The following FLVCR1 variants were observed in gnomAD, a reference collection of about 807,000 sequenced individuals.
FLVCR1 encodes the protein choline/ethanolamine transporter FLVCR1.
A neutral mutation model predicts 53.6 loss-of-function variants in FLVCR1; 34 were observed. The observed-to-expected ratio is 0.63, with a 90% CI of 0.48 to 0.84. The LOEUF (loss-of-function observed/expected upper bound fraction) is 0.84, where lower values mean the gene tolerates loss of function less well. Ranked by LOEUF, FLVCR1 falls within the 40% of genes least tolerant of loss-of-function variation. FLVCR1 has a pLI of 0.00. For missense variants in FLVCR1, 677 were observed against 696.7 expected (o/e 0.97, Z 0.32); for synonymous variants, 300 against 286.3 (o/e 1.05, Z -0.48).
At chr1:212,887,498 A>G (rs768671406) in intron 5 of FLVCR1, among the ~76,000 whole-genome samples, 4 of 152,236 alleles carry the variant, frequency 2.6e-5, no homozygotes, top group Admixed American at 6.5e-5. Context: ...AATAGATGTC[A>G]TAAGTTTTAT....
intron 2 of FLVCR1, among the ~76,000 whole-genome samples, chr1:212,865,265 G>A (rs1017907681): frequency 9.3e-5 from 14 of 149,852 alleles, no homozygotes; most frequent in Non-Finnish European, 1.8e-4. Flanking sequence ...ATCTCCTAAT[G>A]CTATCCCTCC....
At chr1:212,869,251 A>T (rs1003457600) in intron 2 of FLVCR1, among the ~76,000 whole-genome samples, 2 of 152,170 alleles carry the variant, frequency 1.3e-5, no homozygotes, top group Non-Finnish European at 2.9e-5. Flanking sequence ...ATTGGTGCAA[A>T]TTTTTGGTTG....
chr1:212,863,339 C>T (rs1664303440), intron 1 of FLVCR1, among the ~76,000 whole-genome samples: 1 of 152,160 alleles, frequency 6.6e-6, no homozygotes, highest in African/African-American at 2.4e-5. Flanking sequence ...CGCCTGTAAT[C>T]CCAGCACTTT....
At chr1:212,883,558 A>T in intron 4 of FLVCR1, 120 bp downstream of exon 4, 2 of 650,340 alleles carry the variant, frequency 3.1e-6, no homozygotes, top group Non-Finnish European at 2.8e-6. Context: ...AAATATTTAC[A>T]TTTGTTTTAA....
chr1:212,865,085 T>C (rs866015644), intron 2 of FLVCR1, among the ~76,000 whole-genome samples: 2 of 151,952 alleles, frequency 1.3e-5, no homozygotes, highest in East Asian at 1.9e-4. Context: ...TTTAGCAGTT[T>C]AGCAAAGTTT....
In FLVCR1 at chr1:212,889,151, T is replaced by G; in HGVS notation, c.1419T>G (p.Phe473Leu). 6.2e-7 allele frequency: 1 copy of G among 1,602,058 alleles called. No individual in the cohort carries two copies. Among genetic ancestry groups the G allele is most frequent in the South Asian group, 1.1e-5 (1 of 90,802 alleles). ...SGLLNASAQI[F>L]GILFTLAQGK... The stretch of plus-strand genomic sequence containing the variant: ...TTTTTCTTATTGTATTTTAGATATT[T>G]GGAATTTTGTTCACATTGGCTCAAG... Residue 473 changes from phenylalanine (F) to leucine (L), a missense_variant, in exon 8 of 10, where the codon TTT becomes TTG. Transcript: ENST00000366971.
In FLVCR1 at chr1:212,895,392, T is replaced by TAA. The variant is rs553890816; in HGVS notation, c.*104_*105dup. 2.1e-4 allele frequency: 165 copies of TAA among 794,994 alleles called. 1 individual carries two copies. The South Asian group carries it at 2.1e-3, about 10-fold the overall frequency. The allele number at this position is 794,994 out of a possible 1,614,324, so 49.2% of individuals were successfully genotyped here. On this transcript the variant is annotated 3_prime_UTR_variant, in exon 10 of 10. Transcript: ENST00000366971. ...GCTGGGTTTGTATGTGGTGGGGGAATAAACACACTTACTTGAAAATTACCA... is the reference window on the plus strand; with the variant it reads ...GCTGGGTTTGTATGTGGTGGGGGAATAAAAACACACTTACTTGAAAATTACCA...
chr1:212,895,336 A>G lies in FLVCR1; in HGVS notation c.*46A>G, dbSNP rs747417165. On this transcript the variant is annotated 3_prime_UTR_variant, in exon 10 of 10. Transcript: ENST00000366971. ...TCCTGTAGTAATTGGGGACAATGTGATCATCCTTGGAGAGAGATGTGAGCA... is the reference window on the plus strand; with the variant it reads ...TCCTGTAGTAATTGGGGACAATGTGGTCATCCTTGGAGAGAGATGTGAGCA... The G allele has an allele frequency of 7.1e-7, 1 of 1,409,504 alleles. No individual in the cohort carries two copies. The highest frequency in any genetic ancestry group is 1.0e-6 in the Non-Finnish European group (1 of 992,794). 87.3% of individuals were successfully genotyped at this position (1,409,504 alleles called of 1,614,324 possible). A position where few individuals can be genotyped will look rare whatever the true frequency, so the allele number is the denominator to read the frequency against.
At chr1:212,891,734 TCTC>T (rs1215106247) in intron 8 of FLVCR1, among the ~76,000 whole-genome samples, 3 of 152,048 alleles carry the variant, frequency 2.0e-5, no homozygotes, top group Admixed American at 6.6e-5. Flanking sequence ...GTAGTAAATC[TCTC>T]CTCTTAAATC....
At chr1:212,875,689 A>C (rs1251248274) in intron 3 of FLVCR1, among the ~76,000 whole-genome samples, 1 of 151,662 alleles carries the variant, frequency 6.6e-6, no homozygotes, top group Non-Finnish European at 1.5e-5. Flanking sequence ...AAAATACAAA[A>C]ATTAGCTGGG....
intron 1 of FLVCR1, among the ~76,000 whole-genome samples, chr1:212,863,173 T>C (rs748125268): frequency 6.6e-6 from 1 of 152,252 alleles, no homozygotes; most frequent in African/African-American, 2.4e-5. Context: ...AAGGACTGTA[T>C]ATTACACAGC....
chr1:212,888,376 A>G, intron 6 of FLVCR1, 113 bp from the exon 7 acceptor site: 1 of 790,282 alleles, frequency 1.3e-6, no homozygotes, highest in Non-Finnish European at 2.2e-6. Context: ...AGCAACTTCA[A>G]AATATTCACT....
At chr1:212,869,947 A>T (rs939603925) in intron 2 of FLVCR1, 1 of 152,256 alleles carries the variant, frequency 6.6e-6, no homozygotes. Flanking sequence ...TTAAATACCC[A>T]TGACTACCTT....
intron 2 of FLVCR1, among the ~76,000 whole-genome samples, chr1:212,865,782 A>G (rs978943270): frequency 2.7e-5 from 4 of 148,918 alleles, no homozygotes; most frequent in African/African-American, 9.9e-5. Context: ...AGGCCCGGCC[A>G]GCAATAGGGA....
intron 8 of FLVCR1, among the ~76,000 whole-genome samples, chr1:212,890,008 T>C (rs925526064): frequency 6.6e-6 from 1 of 152,212 alleles, no homozygotes. Flanking sequence ...ACTATTGTTA[T>C]AATGTGGTAG....
At chr1:212,868,075 T>C (rs1664492814) in intron 2 of FLVCR1, among the ~76,000 whole-genome samples, 1 of 152,152 alleles carries the variant, frequency 6.6e-6, no homozygotes, top group African/African-American at 2.4e-5. Flanking sequence ...AGTGCTGGGA[T>C]TACAGGTGTG....
rs1222520984 is a variant in FLVCR1, at chr1:212,895,544, CATATT to C, written c.*255_*259del. 3.7e-5 allele frequency: 18 copies of C among 480,450 alleles called. No individual in the cohort carries two copies. Among genetic ancestry groups the C allele is most frequent in the Non-Finnish European group, 6.0e-5 (16 of 266,904 alleles). The allele number at this position is 480,450 out of a possible 1,614,324, so 29.8% of individuals were successfully genotyped here. ...CTAATTAGTATCCGGTTTTTAGTCT[CATATT>C]GTATCTGAAAGTAAGCTTCTTGACG... On this transcript the variant is annotated 3_prime_UTR_variant, in exon 10 of 10. Transcript: ENST00000366971.
intron 4 of FLVCR1, among the ~76,000 whole-genome samples, chr1:212,884,130 T>C (rs990977842): frequency 1.3e-5 from 2 of 151,992 alleles, no homozygotes; most frequent in Admixed American, 1.3e-4. Flanking sequence ...AGAAACCCTG[T>C]CTCTACCAAA....
intron 5 of FLVCR1, among the ~76,000 whole-genome samples, chr1:212,886,074 C>T (rs1665057646): frequency 7.7e-6 from 1 of 129,694 alleles, no homozygotes; most frequent in Admixed American, 8.1e-5. Flanking sequence ...TGGGGTCTCA[C>T]TCTGTCACCC....
Sources: gnomAD v4.1 joint callset for allele counts (sites outside exome capture counted in the v4.1 genomes callset) on GRCh38, gnomAD v4.1.1 for gene constraint, MANE v1.5 for transcripts, NCBI Gene and HGNC (gene_info 2026-07-23, HGNC 2026-07-21) for gene names.